The following CRB1 variants were observed in gnomAD, a reference collection of about 807,000 sequenced individuals.
The protein encoded by CRB1 is protein crumbs homolog 1.
Under a neutral mutation model 120.0 loss-of-function variants are expected in CRB1, and 83 were observed. That is an observed-to-expected ratio of 0.69 (90% CI 0.58 to 0.83). The LOEUF is 0.83. CRB1 is among the 40% of genes least tolerant of loss of function. The pLI is 0.00. For missense variants in CRB1, 1,699 were observed against 1,687.6 expected (o/e 1.01, Z -0.12); for synonymous variants, 625 against 612.5 (o/e 1.02, Z -0.30).
intron 4 of CRB1, among the ~76,000 whole-genome samples, chr1:197,354,868 A>T (rs1317998676): frequency 3.1e-5 from 1 of 32,006 alleles, no homozygotes; most frequent in African/African-American, 1.3e-4. Context: ...CCACCCACCC[A>T]CATCCTGCTG....
chr1:197,371,095 G>T (rs1176173334), intron 5 of CRB1, among the ~76,000 whole-genome samples: 1 of 152,084 alleles, frequency 6.6e-6, no homozygotes, highest in Non-Finnish European at 1.5e-5. Context: ...CTAGTCTGTT[G>T]TCTTAACCAC....
chr1:197,357,362 A>T (rs150045102), intron 5 of CRB1: 8,436 of 337,782 alleles, frequency 0.025, 131 homozygotes, highest in Non-Finnish European at 0.034. Flanking sequence ...TGTTATTCAA[A>T]TTTGCTAGAA....
intron 8 of CRB1, among the ~76,000 whole-genome samples, chr1:197,432,166 A>G (rs751907004): frequency 1.3e-5 from 2 of 152,160 alleles, no homozygotes; most frequent in African/African-American, 2.4e-5. Flanking sequence ...GTTTTTACCC[A>G]GATCAGAAGA....
At chr1:197,273,680 T>C (rs1318668918) in intron 1 of CRB1, among the ~76,000 whole-genome samples, 1 of 152,156 alleles carries the variant, frequency 6.6e-6, no homozygotes, top group African/African-American at 2.4e-5. Flanking sequence ...ACTATTTTAT[T>C]TTGTTACTCA....
At chr1:197,250,742 C>T in the CRB1 span, among the ~76,000 whole-genome samples, 15 of 152,034 alleles carry the variant, frequency 9.9e-5, no homozygotes, top group South Asian at 2.1e-3. Context: ...ATTATGGACA[C>T]GTGTGGCTCT....
chr1:197,250,960 C>T, the CRB1 span, among the ~76,000 whole-genome samples: 11 of 152,128 alleles, frequency 7.2e-5, no homozygotes, highest in African/African-American at 1.9e-4. Context: ...CCATTCTGCC[C>T]ACTTGGTAGT....
At chr1:197,381,608 A>G (rs1417711581) in intron 5 of CRB1, among the ~76,000 whole-genome samples, 1 of 152,220 alleles carries the variant, frequency 6.6e-6, no homozygotes, top group East Asian at 1.9e-4. Context: ...TATAATACAC[A>G]TAGTTTGGTC....
chr1:197,260,357 ATAAAAT>A, the CRB1 span, among the ~76,000 whole-genome samples: 1 of 152,298 alleles, frequency 6.6e-6, no homozygotes, highest in East Asian at 1.9e-4. Context: ...TAATTTAGAA[ATAAAAT>A]TAAAACTGTA....
chr1:197,440,159 A>G (rs998794089), intron 10 of CRB1: 7 of 152,142 alleles, frequency 4.6e-5, no homozygotes, highest in African/African-American at 1.4e-4. Flanking sequence ...TAATCCAACT[A>G]TTGTCAAGGG....
intron 5 of CRB1, among the ~76,000 whole-genome samples, chr1:197,398,138 T>G (rs1182953687): frequency 3.9e-5 from 6 of 152,190 alleles, no homozygotes; most frequent in Non-Finnish European, 7.4e-5. Flanking sequence ...GTTCTTCTTA[T>G]GACTTCTCAC....
chr1:197,256,408 T>A, the CRB1 span, among the ~76,000 whole-genome samples: 1 of 152,058 alleles, frequency 6.6e-6, no homozygotes, highest in Non-Finnish European at 1.5e-5. Context: ...TCTCTCCAAA[T>A]GGCTTAATGT....
At chr1:197,364,703 A>G (rs1039714972) in intron 5 of CRB1, among the ~76,000 whole-genome samples, 2 of 151,434 alleles carry the variant, frequency 1.3e-5, no homozygotes, top group Admixed American at 6.6e-5. Context: ...TACTTCATCT[A>G]TTGTTTTTTA....
chr1:197,318,326 T>A (rs1657976243), intron 1 of CRB1, among the ~76,000 whole-genome samples: 1 of 152,134 alleles, frequency 6.6e-6, no homozygotes, highest in African/African-American at 2.4e-5. Flanking sequence ...ATGACTACTG[T>A]CAAAAAATCA....
chr1:197,305,630 G>A (rs1437695950), intron 1 of CRB1, among the ~76,000 whole-genome samples: 1 of 151,590 alleles, frequency 6.6e-6, no homozygotes, highest in Admixed American at 6.6e-5. Flanking sequence ...CATTCATCTT[G>A]GGTTAACCAT....
At chr1:197,305,510 G>A (rs1019605510) in intron 1 of CRB1, among the ~76,000 whole-genome samples, 11 of 151,674 alleles carry the variant, frequency 7.3e-5, no homozygotes, top group Admixed American at 5.9e-4. Context: ...TTTTTTGTAT[G>A]AATATGAAAA....
chr1:197,301,191 A>G (rs1336400078), intron 1 of CRB1, among the ~76,000 whole-genome samples: 1 of 150,768 alleles, frequency 6.6e-6, no homozygotes, highest in Non-Finnish European at 1.5e-5. Flanking sequence ...TTTAAGACCG[A>G]GTATCACTCT....
At chr1:197,450,900 C>T (rs1377418181) in intron 11 of CRB1, among the ~76,000 whole-genome samples, 5 of 121,336 alleles carry the variant, frequency 4.1e-5, no homozygotes, top group South Asian at 2.8e-4. Flanking sequence ...GCGGAGCTTG[C>T]GGTGAGCTGA....
intron 1 of CRB1, among the ~76,000 whole-genome samples, chr1:197,313,593 C>A (rs1227098253): frequency 6.6e-6 from 1 of 152,148 alleles, no homozygotes; most frequent in East Asian, 1.9e-4. Flanking sequence ...ACCAACTTCT[C>A]TTTATACCTC....
intron 5 of CRB1, among the ~76,000 whole-genome samples, chr1:197,386,353 T>C (rs1662217718): frequency 1.3e-5 from 2 of 152,182 alleles, no homozygotes; most frequent in Admixed American, 6.5e-5. Flanking sequence ...TTTGTATCTC[T>C]TATCATACTC....
Sources: gnomAD v4.1 joint callset for allele counts (sites outside exome capture counted in the v4.1 genomes callset) on GRCh38, gnomAD v4.1.1 for gene constraint, MANE v1.5 for transcripts, NCBI Gene and HGNC (gene_info 2026-07-23, HGNC 2026-07-21) for gene names.